Variants in PRORP observed in about 807,000 individuals in gnomAD.
PRORP encodes the protein protein only RNase P catalytic subunit, also known as mitochondrial ribonuclease P catalytic subunit.
A neutral mutation model predicts 59.4 loss-of-function variants in PRORP; 51 were observed. The observed-to-expected ratio is 0.86, with a 90% CI of 0.69 to 1.08. The LOEUF is 1.08. Ranked by LOEUF, PRORP falls within the 50% of genes least tolerant of loss-of-function variation. The pLI, the probability that PRORP is intolerant of heterozygous loss-of-function variation, is 0.00. For missense variants in PRORP, 646 were observed against 690.3 expected, an observed-to-expected ratio of 0.94 and a Z score of 0.72; for synonymous variants, 231 against 245.6, an observed-to-expected ratio of 0.94 and a Z score of 0.55.
chr14:35,147,342 A>G (rs2047636550), intron 4 of PRORP, among the ~76,000 whole-genome samples: 1 of 152,026 alleles, frequency 6.6e-6, no homozygotes, highest in African/African-American at 2.4e-5. Flanking sequence ...GATAGCTATG[A>G]CAATTTCTTT....
chr14:35,258,912 A>G (rs1594350292), intron 5 of PRORP, among the ~76,000 whole-genome samples: 1 of 152,162 alleles, frequency 6.6e-6, no homozygotes, highest in African/African-American at 2.4e-5. Context: ...TTTCTTTTCA[A>G]AATTGTTTTA....
chr14:35,206,269 G>A (rs538277003), intron 5 of PRORP, among the ~76,000 whole-genome samples: 1 of 152,242 alleles, frequency 6.6e-6, no homozygotes, highest in African/African-American at 2.4e-5. Flanking sequence ...GAATCCTTGA[G>A]GTCATTAGCT....
At chr14:35,192,544 T>G (rs1214415483) in intron 5 of PRORP, among the ~76,000 whole-genome samples, 1 of 152,254 alleles carries the variant, frequency 6.6e-6, no homozygotes, top group African/African-American at 2.4e-5. Flanking sequence ...GAGGGAATTC[T>G]AAAAGTCTCC....
chr14:35,201,623 A>T (rs577340374), intron 5 of PRORP, among the ~76,000 whole-genome samples: 3 of 150,802 alleles, frequency 2.0e-5, no homozygotes, highest in South Asian at 4.2e-4. Flanking sequence ...GCCTCATTGT[A>T]TACAAAATTT....
chr14:35,206,724 T>C (rs2049304738), intron 5 of PRORP, among the ~76,000 whole-genome samples: 1 of 152,190 alleles, frequency 6.6e-6, no homozygotes, highest in African/African-American at 2.4e-5. Flanking sequence ...GGTAAGATAG[T>C]GAGCCTCTCT....
At position 35,126,723 on chromosome 14, in the gene PRORP, A is replaced by G. The variant is rs371726864; in HGVS notation, c.987-12A>G. ...AACCTTCTCATGATTTGGTTTTGCA[A>G]TCTTTTCATAGTGTTCCTGGAAAAC... On this transcript the variant is annotated splice_polypyrimidine_tract_variant and intron_variant, in intron 2 of 7. Transcript: ENST00000534898. The G allele has an allele frequency of 4.4e-5, 70 of 1,603,162 alleles. No homozygotes were observed. The highest frequency in any genetic ancestry group is 1.3e-4 in the African/African-American group (10 of 74,730).
intron 5 of PRORP, among the ~76,000 whole-genome samples, chr14:35,210,082 A>G (rs8004288): frequency 0.34 from 52,420 of 152,148 alleles, 10,698 homozygotes; most frequent in East Asian, 0.69. Context: ...AATTAACAGT[A>G]AAATTGTTCT....
intron 5 of PRORP, among the ~76,000 whole-genome samples, chr14:35,248,349 C>T (rs2050533993): frequency 6.6e-6 from 1 of 152,208 alleles, no homozygotes; most frequent in African/African-American, 2.4e-5. Flanking sequence ...GCTCAGTCAG[C>T]CTCAGCCTCT....
At chr14:35,222,576 C>G (rs1331662229) in intron 5 of PRORP, 2 of 152,214 alleles carry the variant, frequency 1.3e-5, no homozygotes, top group Non-Finnish European at 2.9e-5. Context: ...AAGGTCCACA[C>G]AGATAACTCT....
rs1180777805 is a variant in PRORP at position 35,130,030 on chromosome 14, C to CTT, written c.1167+2436_1167+2437dup. Among the ~76,000 whole-genome samples the CTT allele has an allele frequency of 3.3e-3, 424 of 129,910 alleles. 1 individual carries two copies. Among genetic ancestry groups the CTT allele is most frequent in the African/African-American group, 0.01 (356 of 34,572 alleles). 85.2% of individuals were successfully genotyped at this position (129,910 alleles called of 152,430 possible). A position where few individuals can be genotyped will look rare whatever the true frequency, so the allele number is the denominator to read the frequency against. Reference sequence around the variant, plus strand: ...TTGATTGGTTCATTGTTTAGACTTTCTTTTTTTTTTTTTTTTTTGAGACGG... The same window carrying CTT: ...TTGATTGGTTCATTGTTTAGACTTTCTTTTTTTTTTTTTTTTTTTTGAGACGG... On this transcript the variant is annotated intron_variant, in intron 4 of 7. Coordinates refer to ENST00000534898, the MANE Select transcript of PRORP (RefSeq NM_014672.4).
rs780850027 is a variant in PRORP at position 35,164,689 on chromosome 14, TG to T, written c.1168-15978del. Among the ~76,000 whole-genome samples the T allele has an allele frequency of 3.9e-5, 6 of 152,306 alleles. No individual in the cohort carries two copies. The East Asian group carries it at 1.2e-3, about 29-fold the overall frequency. ...CCTACTGGGTACTGTGTTCACTACC[TG>T]GGTACAGTATACCCATGTAACGAAC... On this transcript the variant is annotated intron_variant, in intron 4 of 7. Transcript: ENST00000534898.
At position 35,201,950 on chromosome 14, in the gene PRORP, G is replaced by A. The variant is rs567743920; in HGVS notation, c.1275+21173G>A. On this transcript the variant is annotated intron_variant, in intron 5 of 7. Coordinates refer to ENST00000534898, the MANE Select transcript of PRORP (RefSeq NM_014672.4). The stretch of plus-strand genomic sequence containing the variant: ...TGGGATTACAGGCATGAGTCACCGT[G>A]CCCCGCCACAAAATTATTATTATTT... Among the ~76,000 whole-genome samples, 201 of 147,792 alleles carry A rather than the reference G, an allele frequency of 1.4e-3. 1 individual carries two copies. Among genetic ancestry groups the A allele is most frequent in the African/African-American group, 4.9e-3 (196 of 40,118 alleles).
At chr14:35,128,498 T>C (rs1022626008) in intron 4 of PRORP, among the ~76,000 whole-genome samples, 1 of 152,126 alleles carries the variant, frequency 6.6e-6, no homozygotes, top group African/African-American at 2.4e-5. Flanking sequence ...CTTTTTATTA[T>C]GGCTTCGATC....
chr14:35,226,918 A>G (rs886500141), intron 5 of PRORP, among the ~76,000 whole-genome samples: 1 of 151,528 alleles, frequency 6.6e-6, no homozygotes, highest in Non-Finnish European at 1.5e-5. Flanking sequence ...TATATTTTGA[A>G]GAGACAGGGT....
At chr14:35,241,088 G>T (rs919874071) in intron 5 of PRORP, among the ~76,000 whole-genome samples, 1 of 152,018 alleles carries the variant, frequency 6.6e-6, no homozygotes, top group African/African-American at 2.4e-5. Context: ...TAAATATATG[G>T]GAGGGAAGGC....
chr14:35,196,778 C>T (rs1428896746), intron 5 of PRORP, among the ~76,000 whole-genome samples: 2 of 152,116 alleles, frequency 1.3e-5, no homozygotes, highest in Admixed American at 1.3e-4. Flanking sequence ...TATCACTTCA[C>T]CCACTCCTGC....
intron 4 of PRORP, among the ~76,000 whole-genome samples, chr14:35,139,811 C>A (rs973641034): frequency 6.9e-6 from 1 of 145,890 alleles, no homozygotes; most frequent in Non-Finnish European, 1.5e-5. Context: ...GGCTAGAAAT[C>A]TGAAATCAAG....
intron 4 of PRORP, among the ~76,000 whole-genome samples, chr14:35,160,204 C>T (rs1246793847): frequency 1.3e-5 from 2 of 152,184 alleles, no homozygotes; most frequent in African/African-American, 2.4e-5. Flanking sequence ...GATGAATGTT[C>T]CTGGGATATC....
At position 35,141,512 on chromosome 14, in the gene PRORP, C is replaced by G. The variant is rs1326999815; in HGVS notation, c.1167+13901C>G. ...TGAACTCCTGGCTTCTAGTGGTCCT[C>G]CCACCTTGGCCTCCCAAAGTGCTGA... is the stretch of plus-strand genomic sequence containing the variant. On this transcript the variant is annotated intron_variant, in intron 4 of 7. Transcript: ENST00000534898. Among the ~76,000 whole-genome samples the G allele has an allele frequency of 1.4e-5, 2 of 144,742 alleles. 1 individual carries two copies. Among genetic ancestry groups the G allele is most frequent in the African/African-American group, 4.9e-5 (2 of 40,848 alleles). The allele number at this position is 144,742 out of a possible 152,430, so 95.0% of individuals were successfully genotyped here. A position where few individuals can be genotyped will look rare whatever the true frequency, so the allele number is the denominator to read the frequency against.
Sources: allele counts gnomAD v4.1 joint callset (sites outside exome capture counted in the v4.1 genomes callset), GRCh38; gene constraint gnomAD v4.1.1; transcripts MANE v1.5; gene names NCBI Gene and HGNC (gene_info 2026-07-23, HGNC 2026-07-21).